Variants in ABCB11 observed in about 807,000 individuals in gnomAD.
ABCB11 encodes ATP binding cassette subfamily B member 11.
In ABCB11, 95 loss-of-function variants were observed where a neutral mutation model predicts 148.0. The ratio of observed to expected loss-of-function variants is 0.64; its 90% CI spans 0.54 to 0.76. The LOEUF is 0.76. Ranked by LOEUF, ABCB11 falls within the 30% of genes least tolerant of loss-of-function variation. ABCB11 has a pLI of 0.00. For synonymous variants in ABCB11, 591 were observed against 555.4 expected, an observed-to-expected ratio of 1.06 and a Z score of -0.90; for missense variants, 1,523 against 1,617.8, an observed-to-expected ratio of 0.94 and a Z score of 1.01.
intron 1 of ABCB11, among the ~76,000 whole-genome samples, chr2:169,022,260 T>G (rs1006940814): frequency 6.6e-6 from 1 of 151,692 alleles, no homozygotes; most frequent in African/African-American, 2.4e-5. Context: ...CAAAATAAAA[T>G]GAAAAACAGT....
At chr2:168,947,028 T>TATCC (rs1267394299) in intron 19 of ABCB11, among the ~76,000 whole-genome samples, 1 of 151,880 alleles carries the variant, frequency 6.6e-6, no homozygotes, top group Non-Finnish European at 1.5e-5. Flanking sequence ...CTCCAAGGGC[T>TATCC]ATCCATCCAT....
chr2:168,926,417 T>C (rs1282341612), intron 26 of ABCB11, among the ~76,000 whole-genome samples: 3 of 152,212 alleles, frequency 2.0e-5, no homozygotes, highest in Non-Finnish European at 4.4e-5. Context: ...GTTATTTTCT[T>C]GCATTTTGCA....
At chr2:168,941,331 T>C (rs1328966452) in intron 21 of ABCB11, among the ~76,000 whole-genome samples, 2 of 151,920 alleles carry the variant, frequency 1.3e-5, no homozygotes, top group East Asian at 1.9e-4. Context: ...TGAAAGAACA[T>C]TTGTGATTCA....
chr2:168,998,498 C>T (rs768454231), intron 5 of ABCB11, among the ~76,000 whole-genome samples: 4 of 152,054 alleles, frequency 2.6e-5, no homozygotes, highest in African/African-American at 7.2e-5. Flanking sequence ...GATGGAAATG[C>T]TAATTATTCG....
Position 169,017,843 on chromosome 2 carries a change from C to T in ABCB11, c.76+207G>A, listed in dbSNP as rs1048310563. The stretch of plus-strand genomic sequence containing the variant: ...TGAGAGATGCTTTCATTTACACACA[C>T]TTGGTGTGTTCTTACCTAGTGCTTT... On this transcript the variant is annotated intron_variant, in intron 2 of 27. Transcript: ENST00000650372. 4 of 737,260 alleles carry T rather than the reference C, an allele frequency of 5.4e-6. No individual in the cohort carries two copies. The African/African-American group carries it at 6.8e-5, about 13-fold the overall frequency. 45.7% of individuals were successfully genotyped at this position (737,260 alleles called of 1,614,324 possible).
chr2:168,922,536 A>C lies in ABCB11; in HGVS notation c.*1086T>G, dbSNP rs1381203556. ...TTTCTAGGGGTCTGTGGTACAAAAC[A>C]GGATGTTTCTAGGCTCCCCCAACTA... On this transcript the variant is annotated 3_prime_UTR_variant, in exon 28 of 28. Transcript: ENST00000650372. Among the ~76,000 whole-genome samples, 1 of 152,194 alleles carries C rather than the reference A, an allele frequency of 6.6e-6. No homozygotes were observed.
rs1691110138 is a variant in ABCB11, at chr2:168,922,469, C to G, written c.*1153G>C. ...GTCTTCAGTCCCTCTGTCCCCTTGT[C>G]TCCTCCTTCCAGAAGGATCCAGTGT... On this transcript the variant is annotated 3_prime_UTR_variant, in exon 28 of 28. Coordinates refer to ENST00000650372, the MANE Select transcript of ABCB11 (RefSeq NM_003742.4). Among the ~76,000 whole-genome samples the G allele has an allele frequency of 6.6e-6, 1 of 152,190 alleles. No individual in the cohort carries two copies. The highest frequency in any genetic ancestry group is 2.1e-4 in the South Asian group (1 of 4,830).
intron 19 of ABCB11, among the ~76,000 whole-genome samples, chr2:168,955,101 A>AT (rs1005360835): frequency 2.6e-5 from 4 of 151,672 alleles, no homozygotes; most frequent in South Asian, 4.1e-4. Flanking sequence ...ATTTCTGCTT[A>AT]TTTTTTTAAA....
At chr2:168,998,198 T>C (rs1694773513) in intron 5 of ABCB11, among the ~76,000 whole-genome samples, 1 of 152,084 alleles carries the variant, frequency 6.6e-6, no homozygotes, top group Non-Finnish European at 1.5e-5. Flanking sequence ...GTCAATTCTC[T>C]TCATTTTCAG....
chr2:168,953,767 C>T (rs776564034), intron 19 of ABCB11, among the ~76,000 whole-genome samples: 2 of 151,688 alleles, frequency 1.3e-5, no homozygotes, highest in East Asian at 2.0e-4. Context: ...GGCAAACCTG[C>T]GTCCCATTCT....
chr2:169,008,601 G>T (rs1176144960), intron 5 of ABCB11, among the ~76,000 whole-genome samples: 1 of 152,184 alleles, frequency 6.6e-6, no homozygotes, highest in Non-Finnish European at 1.5e-5. Flanking sequence ...ATCTTTGGGG[G>T]TCATTATTCT....
intron 12 of ABCB11, among the ~76,000 whole-genome samples, chr2:168,974,205 GA>G (rs148409147): frequency 1.3e-5 from 2 of 151,626 alleles, no homozygotes; most frequent in South Asian, 2.1e-4. Context: ...ATTAGTTAAA[GA>G]AAAAAAATCC....
At chr2:169,014,096 A>T (rs894373822) in intron 4 of ABCB11, among the ~76,000 whole-genome samples, 3 of 152,194 alleles carry the variant, frequency 2.0e-5, no homozygotes, top group African/African-American at 7.2e-5. Context: ...CATTTTTCTG[A>T]TCTATTGGAT....
chr2:168,950,143 A>ATT (rs1692496435), intron 19 of ABCB11, among the ~76,000 whole-genome samples: 1 of 41,738 alleles, frequency 2.4e-5, no homozygotes, highest in African/African-American at 5.1e-5. Context: ...ATATATATAC[A>ATT]CACACACACA....
Position 168,968,498 on chromosome 2 carries a change from A to G in ABCB11, c.2012-8T>C. 1.2e-6 allele frequency: 2 copies of G among 1,607,966 alleles called. No individual in the cohort carries two copies. Among genetic ancestry groups the G allele is most frequent in the Non-Finnish European group, 1.7e-6 (2 of 1,176,218 alleles). ...TGTCATCTTCAGTTGCATCTACTCA[A>G]CACAGCATGAGCAATTTTTTAGTAT... On this transcript the variant is annotated splice_polypyrimidine_tract_variant and splice_region_variant and intron_variant, in intron 16 of 27. Transcript: ENST00000650372.
chr2:168,919,859 T>G (rs1391925406), downstream of ABCB11, among the ~76,000 whole-genome samples: 2 of 151,478 alleles, frequency 1.3e-5, no homozygotes, highest in African/African-American at 4.9e-5. Context: ...TGTTTTGTTT[T>G]GTTTTTTGGT....
chr2:168,974,918 A>G (rs1051195381), intron 12 of ABCB11, among the ~76,000 whole-genome samples: 1 of 149,612 alleles, frequency 6.7e-6, no homozygotes, highest in Non-Finnish European at 1.5e-5. Flanking sequence ...TAATCAGAAT[A>G]TATATTTACT....
chr2:168,971,926 C>A lies in ABCB11; in HGVS notation c.1559G>T (p.Arg520Ile), dbSNP rs762986334. ...TTIAENIRYG[R>I]EDATMEDIVQ... ...TATGTCTTCCATTGTTGCATCTTCT[C>A]TGCCATAGCGAATATTTTCTGCAAT... The change falls in exon 14 of 28, where the codon AGA (arginine) becomes ATA (isoleucine). Residue 520 changes from arginine to isoleucine, a missense_variant. By Grantham distance (97) the Arg-to-Ile change is moderately conservative. Coordinates refer to ENST00000650372, the MANE Select transcript of ABCB11 (RefSeq NM_003742.4). 1 of 1,613,134 alleles carries A rather than the reference C, an allele frequency of 6.2e-7. No individual in the cohort carries two copies. The highest frequency in any genetic ancestry group is 8.5e-7 in the Non-Finnish European group (1 of 1,179,426).
At position 169,018,159 on chromosome 2, in the gene ABCB11, A is replaced by G; in HGVS notation, c.-27-7T>C. On this transcript the variant is annotated splice_polypyrimidine_tract_variant and splice_region_variant and intron_variant, in intron 1 of 27. Transcript: ENST00000650372. ...CAACCCACAGCCAACGACCCTATAA[A>G]ATAAAATAAAAGAATCATTGCAATT... is the stretch of plus-strand genomic sequence containing the variant. 2.5e-6 allele frequency: 4 copies of G among 1,602,726 alleles called. No individual in the cohort carries two copies. In the South Asian group the frequency reaches 4.4e-5, roughly 18 times the overall value.
Sources: allele counts gnomAD v4.1 joint callset (sites outside exome capture counted in the v4.1 genomes callset), GRCh38; gene constraint gnomAD v4.1.1; transcripts MANE v1.5; gene names NCBI Gene and HGNC (gene_info 2026-07-23, HGNC 2026-07-21).